NLGN1: variants seen among roughly 807,000 people sequenced by gnomAD.
NLGN1 encodes neuroligin-1.
A neutral mutation model predicts 65.5 loss-of-function variants in NLGN1; 12 were observed. That is an observed-to-expected ratio of 0.18 (90% confidence interval 0.12 to 0.30). The LOEUF is 0.30. Ranked by LOEUF, NLGN1 falls within the 10% of genes least tolerant of loss-of-function variation. The pLI is 1.00. For synonymous variants in NLGN1, 350 were observed against 359.5 expected, an observed-to-expected ratio of 0.97 and a Z score of 0.30; for missense variants, 750 against 1,007.1, an observed-to-expected ratio of 0.74 and a Z score of 3.46.
chr3:174,268,647 A>G (rs889592981), intron 4 of NLGN1, among the ~76,000 whole-genome samples: 3 of 152,142 alleles, frequency 2.0e-5, no homozygotes, highest in Non-Finnish European at 4.4e-5. Context: ...CATAGAAGGA[A>G]CAATCTCACC....
intron 4 of NLGN1, among the ~76,000 whole-genome samples, chr3:174,173,296 T>G (rs1196212366): frequency 6.6e-6 from 1 of 152,040 alleles, no homozygotes; most frequent in African/African-American, 2.4e-5. Flanking sequence ...TGGATGCCCT[T>G]TATTTTTTTC....
At chr3:173,858,601 C>T (rs1049448725) in intron 4 of NLGN1, among the ~76,000 whole-genome samples, 2 of 151,962 alleles carry the variant, frequency 1.3e-5, no homozygotes, top group African/African-American at 4.8e-5. Flanking sequence ...TTGCTTATCC[C>T]ATTGTAAACA....
At chr3:173,712,598 C>T (rs1267431792) in intron 3 of NLGN1, among the ~76,000 whole-genome samples, 1 of 152,072 alleles carries the variant, frequency 6.6e-6, no homozygotes, top group African/African-American at 2.4e-5. Context: ...AATTTAATTT[C>T]TAGGGGCCTC....
chr3:174,209,630 T>C (rs1174084506), intron 4 of NLGN1, among the ~76,000 whole-genome samples: 1 of 133,228 alleles, frequency 7.5e-6, no homozygotes, highest in Admixed American at 7.3e-5. Context: ...TTTCTTTTTT[T>C]TTTTTTTTTT....
chr3:174,156,851 A>G (rs1725539292), intron 4 of NLGN1, among the ~76,000 whole-genome samples: 1 of 151,720 alleles, frequency 6.6e-6, no homozygotes, highest in African/African-American at 2.4e-5. Context: ...TACATTTACT[A>G]TATTTCTGCA....
At chr3:174,037,173 C>T (rs1280287646) in intron 4 of NLGN1, among the ~76,000 whole-genome samples, 1 of 152,128 alleles carries the variant, frequency 6.6e-6, no homozygotes, top group African/African-American at 2.4e-5. Context: ...TGAGGAATCA[C>T]CACAGTGTCT....
chr3:173,882,029 G>A lies in NLGN1; in HGVS notation c.646+74197G>A, dbSNP rs1443602132. Among the ~76,000 whole-genome samples, 3 of 152,160 alleles carry A rather than the reference G, an allele frequency of 2.0e-5. No individual in the cohort carries two copies. The East Asian group carries it at 5.8e-4, about 29-fold the overall frequency. On this transcript the variant is annotated intron_variant, in intron 4 of 6. Coordinates refer to ENST00000457714, the Ensembl canonical transcript of NLGN1. ...TCCTGATCCATGGGCTGCAGAATGA[G>A]TATTGTGTTAGCAGGCATAAAAACA...
chr3:174,107,470 C>T (rs959853590), intron 4 of NLGN1, among the ~76,000 whole-genome samples: 1 of 152,076 alleles, frequency 6.6e-6, no homozygotes, highest in Non-Finnish European at 1.5e-5. Context: ...ATTAATAGAT[C>T]TTTCCAGTTT....
At chr3:173,491,155 G>T (rs1729082089) in intron 2 of NLGN1, among the ~76,000 whole-genome samples, 1 of 151,764 alleles carries the variant, frequency 6.6e-6, no homozygotes, top group Non-Finnish European at 1.5e-5. Flanking sequence ...GTGAGAGAGG[G>T]CATCCCTGTC....
chr3:173,678,923 A>AT (rs1048182841), intron 3 of NLGN1, among the ~76,000 whole-genome samples: 2 of 152,080 alleles, frequency 1.3e-5, no homozygotes, highest in African/African-American at 4.8e-5. Context: ...AGGTGTTTGA[A>AT]TTGAAGTATC....
chr3:173,575,673 T>C (rs901877202), intron 2 of NLGN1, among the ~76,000 whole-genome samples: 6 of 152,214 alleles, frequency 3.9e-5, no homozygotes, highest in African/African-American at 1.4e-4. Flanking sequence ...CACATAAATT[T>C]CTTTCTATTA....
Position 173,578,235 on chromosome 3 carries a change from C to CAAAAAAA in NLGN1, c.-320-26036_-320-26030dup, listed in dbSNP as rs34436890. On this transcript the variant is annotated intron_variant, in intron 2 of 6. Transcript: ENST00000457714. ...TGGGCGACAGGGCCAGACTCCGTCT[C>CAAAAAAA]AAAAAAAAAAAAAAGAAGAAGAAGA... 8.6e-5 allele frequency among the ~76,000 whole-genome samples: 11 copies of CAAAAAAA among 128,550 alleles called. No homozygotes were observed. In the East Asian group the frequency reaches 1.7e-3, roughly 20 times the overall value. The allele number at this position is 128,550 out of a possible 152,430, so 84.3% of individuals were successfully genotyped here. A position where few individuals can be genotyped will look rare whatever the true frequency, so the allele number is the denominator to read the frequency against.
intron 4 of NLGN1, among the ~76,000 whole-genome samples, chr3:174,004,623 A>G (rs1334309370): frequency 6.6e-6 from 1 of 152,168 alleles, no homozygotes; most frequent in Non-Finnish European, 1.5e-5. Flanking sequence ...CTGTGGATCT[A>G]TGTTGGCTTC....
At chr3:173,599,360 C>T (rs1454480431) in intron 2 of NLGN1, among the ~76,000 whole-genome samples, 1 of 152,120 alleles carries the variant, frequency 6.6e-6, no homozygotes, top group African/African-American at 2.4e-5. Flanking sequence ...AAATCTCAGA[C>T]TCTGGCTTCT....
intron 3 of NLGN1, among the ~76,000 whole-genome samples, chr3:173,617,932 T>A (rs1350850297): frequency 3.3e-5 from 5 of 152,196 alleles, no homozygotes. Context: ...TTTTCTTTTT[T>A]CCTTGTTTTA....
chr3:173,499,827 G>C (rs1394879729), intron 2 of NLGN1, among the ~76,000 whole-genome samples: 1 of 151,800 alleles, frequency 6.6e-6, no homozygotes, highest in Non-Finnish European at 1.5e-5. Context: ...ATTGTGAATG[G>C]GAGTTCACTC....
chr3:173,604,721 C>A (rs147864627), exon 3 of NLGN1: 9 of 1,613,574 alleles, frequency 5.6e-6, no homozygotes, highest in Non-Finnish European at 7.6e-6. Context: ...TTCAGGCTGG[C>A]CATGTGCTAT....
intron 4 of NLGN1, among the ~76,000 whole-genome samples, chr3:173,812,460 G>A (rs954340858): frequency 6.6e-6 from 1 of 151,950 alleles, no homozygotes; most frequent in Non-Finnish European, 1.5e-5. Context: ...AGGCGTGGTG[G>A]TGCATGCCTG....
At chr3:173,709,803 CAA>C (rs59998502) in intron 3 of NLGN1, among the ~76,000 whole-genome samples, 9 of 69,248 alleles carry the variant, frequency 1.3e-4, no homozygotes, top group African/African-American at 3.9e-4. Flanking sequence ...AACTCTATCT[CAA>C]AAAAAAAAAA....
Sources: allele counts gnomAD v4.1 joint callset (sites outside exome capture counted in the v4.1 genomes callset), GRCh38; gene constraint gnomAD v4.1.1; transcripts MANE v1.5; gene names NCBI Gene and HGNC (gene_info 2026-07-23, HGNC 2026-07-21).